The following EXOSC7 variants were observed in gnomAD, a reference collection of about 807,000 sequenced individuals.
EXOSC7 encodes the protein exosome complex component RRP42.
EXOSC7 carries 25 observed loss-of-function variants against 34.3 expected under a neutral mutation model. The ratio of observed to expected loss-of-function variants is 0.73; its 90% CI spans 0.53 to 1.02. EXOSC7 has a LOEUF of 1.02. Among genes scored for constraint, EXOSC7 ranks in the 50% least tolerant of loss-of-function variants. EXOSC7 has a pLI of 0.00. For synonymous variants in EXOSC7, 130 were observed against 143.0 expected (o/e 0.91, Z 0.65); for missense variants, 370 against 368.5 (o/e 1.00, Z -0.03).
Position 45,005,395 on chromosome 3 carries a change from G to C in EXOSC7, c.596G>C (p.Cys199Ser). Residue 199 changes from cysteine to serine, a missense_variant, in exon 6 of 8, where the codon TGC becomes TCC. Cys to Ser is a moderately radical substitution (Grantham distance 112). This residue lies in a region of EXOSC7 where 255 missense variants were observed against 246.4 expected (regional missense o/e 1.03). Coordinates refer to ENST00000265564, the MANE Select transcript of EXOSC7 (RefSeq NM_015004.4). ...CGACTAAGTGTGGAGAATGTCCCCTGCATTGTCACTCTGTGCAAGGTATAA... is the reference window on the plus strand; with the variant it reads ...CGACTAAGTGTGGAGAATGTCCCCTCCATTGTCACTCTGTGCAAGGTATAA... ...CIRLSVENVPCIVTLCKIGYR... is the reference protein window; with the variant it reads ...CIRLSVENVPSIVTLCKIGYR... 6.2e-7 allele frequency: 1 copy of C among 1,614,124 alleles called. No individual in the cohort carries two copies. Among genetic ancestry groups the C allele is most frequent in the South Asian group, 1.1e-5 (1 of 91,084 alleles).
At chr3:44,996,124 A>C (rs1706715008) in intron 3 of EXOSC7, among the ~76,000 whole-genome samples, 2 of 152,196 alleles carry the variant, frequency 1.3e-5, no homozygotes, top group Admixed American at 6.5e-5. Context: ...TAGCTGGTGC[A>C]GGGCTGGGTG....
intron 4 of EXOSC7, among the ~76,000 whole-genome samples, chr3:44,999,198 T>C (rs903525884): frequency 3.9e-5 from 6 of 152,188 alleles, no homozygotes; most frequent in African/African-American, 1.4e-4. Context: ...ACTGGGACAT[T>C]ATCTCAGCTC....
chr3:44,993,132 T>G (rs1706616720), intron 3 of EXOSC7, among the ~76,000 whole-genome samples: 1 of 152,122 alleles, frequency 6.6e-6, no homozygotes, highest in Non-Finnish European at 1.5e-5. Context: ...GCAGAAGCCT[T>G]TTGAGGCTAA....
At chr3:44,989,074 G>A (rs955798141) in intron 1 of EXOSC7, 66 bp from the exon 2 acceptor site, 12 of 1,067,090 alleles carry the variant, frequency 1.1e-5, no homozygotes, top group African/African-American at 3.1e-5. Flanking sequence ...GGGGAAAATG[G>A]GTGAGTCCGT....
At chr3:44,995,859 C>G (rs1028046821) in intron 3 of EXOSC7, among the ~76,000 whole-genome samples, 4 of 152,316 alleles carry the variant, frequency 2.6e-5, no homozygotes, top group African/African-American at 7.2e-5. Context: ...TTTAGTGTTA[C>G]ACAAATAGGG....
At chr3:45,003,971 C>T (rs1706957368) in intron 5 of EXOSC7, among the ~76,000 whole-genome samples, 1 of 152,100 alleles carries the variant, frequency 6.6e-6, no homozygotes, top group African/African-American at 2.4e-5. Flanking sequence ...GCTGTTTATC[C>T]AGTCTACTGT....
intron 3 of EXOSC7, 139 bp downstream of exon 3, chr3:44,989,783 C>G: frequency 1.5e-6 from 1 of 656,072 alleles, no homozygotes; most frequent in Non-Finnish European, 2.7e-6. Flanking sequence ...CTGACCTCCT[C>G]CTATGTGCCA....
intron 3 of EXOSC7, among the ~76,000 whole-genome samples, chr3:44,993,032 A>G (rs1706613536): frequency 6.6e-6 from 1 of 152,156 alleles, no homozygotes; most frequent in Non-Finnish European, 1.5e-5. Context: ...GAGTCACTAT[A>G]TCTGGGTTCC....
chr3:44,980,306 C>T (rs746250225), intron 1 of EXOSC7, among the ~76,000 whole-genome samples: 22 of 152,132 alleles, frequency 1.4e-4, no homozygotes, highest in Non-Finnish European at 2.6e-4. Flanking sequence ...TGGATTAAAT[C>T]GGTATTTTGA....
chr3:44,998,279 A>C (rs1287061199), intron 4 of EXOSC7, among the ~76,000 whole-genome samples: 2 of 151,812 alleles, frequency 1.3e-5, no homozygotes, highest in Non-Finnish European at 2.9e-5. Context: ...CAAGTGATCC[A>C]CCTGCCTCGG....
rs867194938 is a variant in EXOSC7, at chr3:45,001,576, C to T, written c.459C>T (p.Ser153=). The part of the protein sequence containing the change: ...ECGGNLFDAI[S]IAVKAALFNT... ...GTGGAAATTTGTTTGATGCCATTTC[C>T]ATTGCTGTAAAGGCTGCTCTCTTCA... The change falls in exon 5 of 8, where the codon TCC becomes TCT. Residue 153 remains serine (S), a synonymous_variant. Coordinates refer to ENST00000265564, the MANE Select transcript of EXOSC7 (RefSeq NM_015004.4). 6.2e-7 allele frequency: 1 copy of T among 1,613,616 alleles called. No homozygotes were observed. The highest frequency in any genetic ancestry group is 8.5e-7 in the Non-Finnish European group (1 of 1,179,636).
At chr3:45,009,695 G>A (rs570123823) in intron 7 of EXOSC7, among the ~76,000 whole-genome samples, 15 of 151,886 alleles carry the variant, frequency 9.9e-5, no homozygotes, top group East Asian at 1.9e-4. Flanking sequence ...GCAGGTGCCC[G>A]CCACCACTCC....
intron 1 of EXOSC7, among the ~76,000 whole-genome samples, chr3:44,988,756 A>G (rs999042195): frequency 6.6e-6 from 1 of 152,180 alleles, no homozygotes; most frequent in Non-Finnish European, 1.5e-5. Flanking sequence ...CTGACAACAT[A>G]TACTTCTTGG....
intron 7 of EXOSC7, 78 bp from the exon 8 acceptor site, chr3:45,011,157 C>A: frequency 1.3e-6 from 1 of 745,008 alleles, no homozygotes; most frequent in Non-Finnish European, 2.1e-6. Context: ...GACTAGCTGG[C>A]AGAAAGGAAT....
At chr3:44,989,377 G>C (rs2271926) in intron 2 of EXOSC7, 136 bp downstream of exon 2, 51 of 820,342 alleles carry the variant, frequency 6.2e-5, no homozygotes, top group Admixed American at 9.2e-5. Flanking sequence ...ACTCAGGGAG[G>C]GGGGGTCTAT....
rs568878653 is a variant in EXOSC7, at chr3:44,979,236, TCTC to T, written c.57+2905_57+2907del. ...AATCTCAACTGATTCAGTTCTGAAA[TCTC>T]CTAAACTTTTGTTGCGTTGGTTATA... On this transcript the variant is annotated intron_variant, in intron 1 of 7. Coordinates refer to ENST00000265564, the MANE Select transcript of EXOSC7 (RefSeq NM_015004.4). Among the ~76,000 whole-genome samples the T allele has an allele frequency of 1.5e-3, 223 of 152,310 alleles. 2 individuals are homozygous for T. The highest frequency in any genetic ancestry group is 4.8e-3 in the African/African-American group (199 of 41,572).
Position 44,997,269 on chromosome 3 carries a change from T to A in EXOSC7, c.420+17T>A. 6.2e-7 allele frequency: 1 copy of A among 1,600,088 alleles called. No homozygotes were observed. The highest frequency in any genetic ancestry group is 8.5e-7 in the Non-Finnish European group (1 of 1,170,756). On this transcript the variant is annotated intron_variant, in intron 4 of 7. Coordinates refer to ENST00000265564, the MANE Select transcript of EXOSC7 (RefSeq NM_015004.4). ...GATGTGCTGGTGAGTATCATCGTGC[T>A]GTACTGGCCACATTCTACCTTTGTT...
rs34512144 is a variant in EXOSC7 at position 45,005,305 on chromosome 3, G to A, written c.506G>A (p.Arg169Gln). ...TCTGCTTCCAGGATACCAAGGGTTC[G>A]AGTTTTGGAGGATGAAGAGGGGTCG... is the stretch of plus-strand genomic sequence containing the variant. The part of the protein sequence containing the change: ...ALFNTRIPRV[R>Q]VLEDEEGSKD... Residue 169 changes from arginine (R) to glutamine (Q), a missense_variant, in exon 6 of 8, where the codon CGA (arginine) becomes CAA (glutamine). Coordinates refer to ENST00000265564, the MANE Select transcript of EXOSC7 (RefSeq NM_015004.4). The A allele has an allele frequency of 4.9e-3, 7,846 of 1,614,074 alleles. 217 individuals are homozygous for A. In the African/African-American group the frequency reaches 0.082, roughly 17 times the overall value.
Position 44,989,609 on chromosome 3 carries a change from A to G in EXOSC7, c.219A>G (p.Lys73=). ...AAATGGGGACGCCGAAGCTGGAGAA[A>G]CCAAATGAAGGCTACTTGGAGTTCT... ...KAEMGTPKLE[K]PNEGYLEFFV... Residue 73 remains lysine (K), a synonymous_variant, in exon 3 of 8, where the codon AAA becomes AAG. Transcript: ENST00000265564. 6.2e-7 allele frequency: 1 copy of G among 1,613,872 alleles called. No homozygotes were observed. The highest frequency in any genetic ancestry group is 8.5e-7 in the Non-Finnish European group (1 of 1,179,876).
Sources: gnomAD v4.1 joint callset for allele counts (sites outside exome capture counted in the v4.1 genomes callset) on GRCh38, gnomAD v4.1.1 for gene constraint, gnomAD v4.1.1 regional missense constraint, MANE v1.5 for transcripts, NCBI Gene and HGNC (gene_info 2026-07-23, HGNC 2026-07-21) for gene names.